Variants in EPM2A observed in about 807,000 individuals in gnomAD.
EPM2A encodes the protein laforin.
EPM2A carries 21 observed loss-of-function variants against 26.5 expected under a neutral mutation model. The observed-to-expected ratio is 0.79, with a 90% CI of 0.56 to 1.14. The LOEUF is 1.14. EPM2A is among the 50% of genes most tolerant of loss of function. The probability of loss-of-function intolerance (pLI) is 0.00; values close to 1 mark genes in which losing one functional copy is unlikely to be tolerated. For missense variants in EPM2A, 458 were observed against 440.8 expected (o/e 1.04, Z -0.35); for synonymous variants, 217 against 177.6 (o/e 1.22, Z -1.76).
chr6:145,734,054 T>TA (rs58953689), intron 1 of EPM2A, among the ~76,000 whole-genome samples: 65,858 of 151,802 alleles, frequency 0.43, 15,334 homozygotes, highest in Admixed American at 0.52. Context: ...AATGAAGTGT[T>TA]AAAAAAAATG....
At chr6:145,448,851 C>T (rs1381447196) in intron 4 of EPM2A, among the ~76,000 whole-genome samples, 2 of 151,706 alleles carry the variant, frequency 1.3e-5, no homozygotes, top group African/African-American at 4.8e-5. Context: ...AAGTCTCTTC[C>T]TCTTTTTCAA....
chr6:145,493,282 C>T (rs956348390), intron 4 of EPM2A, among the ~76,000 whole-genome samples: 5 of 152,178 alleles, frequency 3.3e-5, no homozygotes, highest in Admixed American at 6.5e-5. Context: ...TGATTTGGCT[C>T]TCAGCTTAAC....
At position 145,731,454 on chromosome 6, in the gene EPM2A, T is replaced by C. The variant is rs181171915; in HGVS notation, c.301+3744A>G. Among the ~76,000 whole-genome samples the C allele has an allele frequency of 1.1e-4, 16 of 152,336 alleles. 1 individual carries two copies. The East Asian group carries it at 2.7e-3, about 26-fold the overall frequency. On this transcript the variant is annotated intron_variant, in intron 1 of 3. Transcript: ENST00000367519. ...TGACTACAGAGCACATGTATGTTTA[T>C]AGCAGCAAAATTGACAATTGCAAAG...
At chr6:145,395,919 C>T (rs1778399658) in intron 4 of EPM2A, among the ~76,000 whole-genome samples, 1 of 152,114 alleles carries the variant, frequency 6.6e-6, no homozygotes, top group Non-Finnish European at 1.5e-5. Flanking sequence ...CTAATCTGCC[C>T]AACAGGTAGA....
chr6:145,642,600 C>T (rs567144960), intron 2 of EPM2A, among the ~76,000 whole-genome samples: 56 of 152,184 alleles, frequency 3.7e-4, no homozygotes, highest in African/African-American at 1.3e-3. Flanking sequence ...TTGTAATGTG[C>T]TTTTAAGGAC....
At chr6:145,650,744 C>A (rs1159151105) in intron 2 of EPM2A, among the ~76,000 whole-genome samples, 1 of 152,066 alleles carries the variant, frequency 6.6e-6, no homozygotes, top group Non-Finnish European at 1.5e-5. Flanking sequence ...GTAGTCAAAC[C>A]TACTTTTATC....
chr6:145,549,132 G>A (rs563430817), intron 2 of EPM2A, among the ~76,000 whole-genome samples: 1 of 152,074 alleles, frequency 6.6e-6, no homozygotes, highest in African/African-American at 2.4e-5. Context: ...AACCCTCAGG[G>A]CAAAATTACT....
At chr6:145,466,033 C>A (rs1430916275) in intron 4 of EPM2A, among the ~76,000 whole-genome samples, 3 of 152,022 alleles carry the variant, frequency 2.0e-5, no homozygotes, top group African/African-American at 7.2e-5. Context: ...ACCATAAAAA[C>A]CCTAGAAGAA....
At chr6:145,531,461 T>C (rs1238231489) in intron 2 of EPM2A, among the ~76,000 whole-genome samples, 1 of 152,164 alleles carries the variant, frequency 6.6e-6, no homozygotes, top group Non-Finnish European at 1.5e-5. Context: ...AGATGACAAA[T>C]TTCAATCAGC....
At position 145,637,555 on chromosome 6, in the gene EPM2A, G is replaced by GA. The variant is rs1046841210; in HGVS notation, c.477-2070dup. Reference sequence around the variant, plus strand: ...AAATCCTTATTGAGGATTATTATGGGAAAAAAATGATAAAAGAAAAGTTAG... The same window carrying GA: ...AAATCCTTATTGAGGATTATTATGGGAAAAAAAATGATAAAAGAAAAGTTAG... On this transcript the variant is annotated intron_variant, in intron 2 of 3. Transcript: ENST00000367519. 1.2e-3 allele frequency: 176 copies of GA among 151,810 alleles called. 1 individual carries two copies. The highest frequency in any genetic ancestry group is 3.9e-3 in the African/African-American group (162 of 41,368). The allele number at this position is 151,810 out of a possible 1,614,324, so 9.4% of individuals were successfully genotyped here. A position where few individuals can be genotyped will look rare whatever the true frequency, so the allele number is the denominator to read the frequency against.
chr6:145,593,451 ATTC>A (rs1368337157), intron 2 of EPM2A, among the ~76,000 whole-genome samples: 2 of 152,150 alleles, frequency 1.3e-5, no homozygotes, highest in African/African-American at 2.4e-5. Context: ...TATTTACAGA[ATTC>A]TTCATTCAAC....
rs559020922 is a variant in EPM2A at position 145,597,630 on chromosome 6, G to A, written c.340+37615C>T. ...GGTACATGTGAAGGTTTGTTACATA[G>A]ATAAACACATGTCATGGGGATGTGT... On this transcript the variant is annotated intron_variant, in intron 2 of 3. Transcript: ENST00000450221. Among the ~76,000 whole-genome samples, 13 of 152,074 alleles carry A rather than the reference G, an allele frequency of 8.5e-5. No homozygotes were observed. In the East Asian group the frequency reaches 1.7e-3, roughly 20 times the overall value.
intron 2 of EPM2A, among the ~76,000 whole-genome samples, chr6:145,597,652 G>A (rs1239878219): frequency 6.6e-6 from 1 of 152,026 alleles, no homozygotes; most frequent in Non-Finnish European, 1.5e-5. Context: ...TCATGGGGAT[G>A]TGTTGTACAG....
chr6:145,525,869 G>A (rs416987), intron 2 of EPM2A, among the ~76,000 whole-genome samples: 20 of 151,680 alleles, frequency 1.3e-4, no homozygotes, highest in African/African-American at 2.4e-4. Context: ...TGTCTTGATC[G>A]TGTTCTCAAT....
intron 4 of EPM2A, among the ~76,000 whole-genome samples, chr6:145,476,017 T>C (rs1038257151): frequency 1.3e-5 from 2 of 151,940 alleles, no homozygotes; most frequent in African/African-American, 4.8e-5. Flanking sequence ...GAGCCATTGA[T>C]ACAAGAAACA....
intron 2 of EPM2A, among the ~76,000 whole-genome samples, chr6:145,589,147 C>A (rs1377344638): frequency 6.6e-6 from 1 of 152,150 alleles, no homozygotes; most frequent in Non-Finnish European, 1.5e-5. Context: ...AGGGACAGTG[C>A]TGTTCTCTAG....
chr6:145,598,696 G>A (rs568692515), intron 2 of EPM2A, among the ~76,000 whole-genome samples: 18 of 152,064 alleles, frequency 1.2e-4, no homozygotes, highest in Non-Finnish European at 1.6e-4. Context: ...CTATGTCCAG[G>A]ATGGTATTGC....
chr6:145,729,299 C>T (rs888222615), intron 1 of EPM2A, among the ~76,000 whole-genome samples: 1 of 152,216 alleles, frequency 6.6e-6, no homozygotes, highest in African/African-American at 2.4e-5. Context: ...AAGAAGGCCA[C>T]TGTCCTCTAG....
chr6:145,627,410 G>T lies in EPM2A; in HGVS notation c.*6C>A. 3 of 1,614,052 alleles carry T rather than the reference G, an allele frequency of 1.9e-6. No homozygotes were observed. In the South Asian group the frequency reaches 3.3e-5, roughly 18 times the overall value. ...AATCAGGAGGGGGCAGAAGCAGGCTGACCAGCTACAGGCTACACACAGAAG... is the reference window on the plus strand; with the variant it reads ...AATCAGGAGGGGGCAGAAGCAGGCTTACCAGCTACAGGCTACACACAGAAG... On this transcript the variant is annotated 3_prime_UTR_variant, in exon 4 of 4. Coordinates refer to ENST00000367519, the MANE Select transcript of EPM2A (RefSeq NM_005670.4).
Sources: gnomAD v4.1 joint callset for allele counts (sites outside exome capture counted in the v4.1 genomes callset) on GRCh38, gnomAD v4.1.1 for gene constraint, MANE v1.5 for transcripts, NCBI Gene and HGNC (gene_info 2026-07-23, HGNC 2026-07-21) for gene names.